Variants in GPR158 observed in about 807,000 individuals in gnomAD.
GPR158 encodes G protein-coupled receptor 158.
In GPR158, 30 loss-of-function variants were observed where a neutral mutation model predicts 78.2. The ratio of observed to expected loss-of-function variants is 0.38; its 90% CI spans 0.29 to 0.52. GPR158 has a LOEUF of 0.52. GPR158 is among the 20% of genes least tolerant of loss of function. The pLI, the probability that GPR158 is intolerant of heterozygous loss-of-function variation, is 0.83. For synonymous variants in GPR158, 581 were observed against 591.1 expected, an observed-to-expected ratio of 0.98 and a Z score of 0.25; for missense variants, 1,463 against 1,523.5, an observed-to-expected ratio of 0.96 and a Z score of 0.66.
chr10:25,452,811 C>T (rs913520325), intron 4 of GPR158, among the ~76,000 whole-genome samples: 1 of 152,166 alleles, frequency 6.6e-6, no homozygotes, highest in Non-Finnish European at 1.5e-5. Context: ...GCCACCCATT[C>T]TGTATATTAG....
intron 2 of GPR158, among the ~76,000 whole-genome samples, chr10:25,336,070 A>T (rs990127314): frequency 6.6e-6 from 1 of 152,190 alleles, no homozygotes; most frequent in East Asian, 1.9e-4. Flanking sequence ...ATGTGAAGAT[A>T]GATCATTGTC....
chr10:25,476,620 G>A (rs1835590759), intron 5 of GPR158, among the ~76,000 whole-genome samples: 4 of 152,134 alleles, frequency 2.6e-5, no homozygotes, highest in South Asian at 2.1e-4. Flanking sequence ...GGCTGAGAGC[G>A]ATTATGATTC....
At chr10:25,520,801 G>T (rs564597921) in intron 5 of GPR158, among the ~76,000 whole-genome samples, 1 of 152,218 alleles carries the variant, frequency 6.6e-6, no homozygotes, top group African/African-American at 2.4e-5. Context: ...GACAGCAGAG[G>T]TTACTGCTGT....
intron 2 of GPR158, among the ~76,000 whole-genome samples, chr10:25,295,979 T>C (rs1169284755): frequency 6.6e-6 from 1 of 151,766 alleles, no homozygotes; most frequent in Non-Finnish European, 1.5e-5. Flanking sequence ...CCATAGGTAT[T>C]CTTGTGAAAG....
chr10:25,528,413 A>T (rs980972412), intron 5 of GPR158, among the ~76,000 whole-genome samples: 1 of 152,084 alleles, frequency 6.6e-6, no homozygotes, highest in African/African-American at 2.4e-5. Flanking sequence ...ATAATTGGGT[A>T]CATTAAAAAA....
chr10:25,529,610 C>T (rs1001114293), intron 5 of GPR158, among the ~76,000 whole-genome samples: 3 of 151,956 alleles, frequency 2.0e-5, no homozygotes, highest in Non-Finnish European at 2.9e-5. Flanking sequence ...AAGATAAAAG[C>T]GCAATATAAA....
At chr10:25,561,925 C>T (rs954592522) in intron 6 of GPR158, among the ~76,000 whole-genome samples, 23 of 152,056 alleles carry the variant, frequency 1.5e-4, no homozygotes, top group African/African-American at 5.5e-4. Context: ...TTTAAGCCTG[C>T]TGAATCTCAC....
chr10:25,448,234 G>A lies in GPR158; in HGVS notation c.1336-18417G>A, dbSNP rs1377333899. Among the ~76,000 whole-genome samples, 9 of 151,720 alleles carry A rather than the reference G, an allele frequency of 5.9e-5. No homozygotes were observed. The East Asian group carries it at 1.4e-3, about 23-fold the overall frequency. On this transcript the variant is annotated intron_variant, in intron 4 of 10. Transcript: ENST00000376351. ...TGAGTAGCTGGGACTACAGGTGCCC[G>A]CCACCACGCCTGGCTAATTTTTTGT...
intron 4 of GPR158, among the ~76,000 whole-genome samples, chr10:25,429,930 A>T (rs1396820552): frequency 6.3e-4 from 88 of 139,092 alleles, no homozygotes; most frequent in African/African-American, 2.2e-3. Flanking sequence ...AACTGGAAGC[A>T]TTCCCTTTGA....
chr10:25,413,322 C>A (rs992584413), intron 4 of GPR158, among the ~76,000 whole-genome samples: 5 of 152,156 alleles, frequency 3.3e-5, no homozygotes, highest in African/African-American at 1.2e-4. Context: ...CAGAGTGAGA[C>A]CCTGCCCTGT....
chr10:25,553,490 A>C (rs1353031056), intron 6 of GPR158, among the ~76,000 whole-genome samples: 1 of 152,104 alleles, frequency 6.6e-6, no homozygotes, highest in Non-Finnish European at 1.5e-5. Flanking sequence ...ATATTGCTTA[A>C]ATTTAACTGA....
At chr10:25,377,231 GT>G (rs1338612974) in intron 2 of GPR158, among the ~76,000 whole-genome samples, 2 of 151,130 alleles carry the variant, frequency 1.3e-5, no homozygotes, top group African/African-American at 4.9e-5. Context: ...CCACTTTTTT[GT>G]TTCTCTGTGT....
At chr10:25,509,526 C>T (rs1442161627) in intron 5 of GPR158, among the ~76,000 whole-genome samples, 3 of 152,100 alleles carry the variant, frequency 2.0e-5, no homozygotes, top group Non-Finnish European at 4.4e-5. Context: ...CTCACTAAGA[C>T]ATTTACTGTT....
At chr10:25,255,121 T>A (rs1853873775) in intron 2 of GPR158, among the ~76,000 whole-genome samples, 1 of 152,242 alleles carries the variant, frequency 6.6e-6, no homozygotes, top group Non-Finnish European at 1.5e-5. Context: ...AGTCTTTCTC[T>A]GTTTTTCTCT....
intron 2 of GPR158, among the ~76,000 whole-genome samples, chr10:25,308,763 A>G (rs1232871962): frequency 6.6e-6 from 1 of 151,884 alleles, no homozygotes; most frequent in Non-Finnish European, 1.5e-5. Flanking sequence ...TTTTGTCTCT[A>G]TGATTTTGAC....
chr10:25,512,532 C>T lies in GPR158; in HGVS notation c.1405-38444C>T, dbSNP rs1458442671. Among the ~76,000 whole-genome samples, 4 of 152,150 alleles carry T rather than the reference C, an allele frequency of 2.6e-5. No homozygotes were observed. In the South Asian group the frequency reaches 6.2e-4, roughly 24 times the overall value. ...ATTTTGATGCCCTTTATTTCTTTCT[C>T]TTCTCTGCTCTGGCTAGGACTTCCA... On this transcript the variant is annotated intron_variant, in intron 5 of 10. Coordinates refer to ENST00000376351, the MANE Select transcript of GPR158 (RefSeq NM_020752.3).
chr10:25,457,014 C>G (rs1051887517), intron 4 of GPR158, among the ~76,000 whole-genome samples: 1 of 151,948 alleles, frequency 6.6e-6, no homozygotes, highest in Non-Finnish European at 1.5e-5. Flanking sequence ...GCCCTGTCAC[C>G]TAGGCTGGAG....
intron 2 of GPR158, among the ~76,000 whole-genome samples, chr10:25,314,342 G>A (rs891461484): frequency 2.0e-5 from 3 of 151,968 alleles, no homozygotes; most frequent in African/African-American, 7.2e-5. Context: ...CTCATGATCT[G>A]CCCACCTCGG....
At chr10:25,496,196 T>C (rs1835878433) in intron 5 of GPR158, among the ~76,000 whole-genome samples, 1 of 152,310 alleles carries the variant, frequency 6.6e-6, no homozygotes, top group Admixed American at 6.5e-5. Context: ...ATTACTGGGC[T>C]CTGACCTTTC....
Sources: allele counts gnomAD v4.1 joint callset (sites outside exome capture counted in the v4.1 genomes callset), GRCh38; gene constraint gnomAD v4.1.1; transcripts MANE v1.5; gene names NCBI Gene and HGNC (gene_info 2026-07-23, HGNC 2026-07-21).